MUS81: variants seen among roughly 807,000 people sequenced by gnomAD.
MUS81 encodes the protein structure-specific endonuclease subunit MUS81.
A neutral mutation model predicts 74.2 loss-of-function variants in MUS81; 69 were observed. The ratio of observed to expected loss-of-function variants is 0.93; its 90% CI spans 0.77 to 1.14. The LOEUF is 1.14. Among genes scored for constraint, MUS81 ranks in the 50% most tolerant of loss-of-function variants. MUS81 has a pLI of 0.00. For missense variants in MUS81, 711 were observed against 726.5 expected (o/e 0.98, Z 0.25); for synonymous variants, 303 against 300.6 (o/e 1.01, Z -0.08).
intron 15 of MUS81, 34 bp from the exon 16 acceptor site, chr11:65,865,952 C>G: frequency 1.2e-6 from 2 of 1,613,786 alleles, no homozygotes; most frequent in South Asian, 1.1e-5. Flanking sequence ...GCCCTAGGCC[C>G]AGGGCGTGAC....
Position 65,862,271 on chromosome 11 carries a change from TC to T in MUS81, c.516del (p.Arg173GlyfsTer2), listed in dbSNP as rs1159547127. On this transcript the variant is annotated frameshift_variant, in exon 5 of 16. Coordinates refer to ENST00000308110, the MANE Select transcript of MUS81 (RefSeq NM_025128.5). LOFTEE classifies it high-confidence loss of function. ...GCTGCTGCAGAGGTGTGCTCAGAAG[TC>T]CCCCAGGGTGAGCACAGGGATCAGG... is the stretch of plus-strand genomic sequence containing the variant. ...EELLQRCAQK[S>X]PRVAPGSARP... 2 of 1,613,624 alleles carry T rather than the reference TC, an allele frequency of 1.2e-6. No homozygotes were observed. The highest frequency in any genetic ancestry group is 1.1e-5 in the South Asian group (1 of 91,058).
chr11:65,864,885 C>T, intron 12 of MUS81, 70 bp downstream of exon 12: 1 of 1,578,048 alleles, frequency 6.3e-7, no homozygotes, highest in Admixed American at 1.7e-5. Flanking sequence ...GGGCCCTGTG[C>T]ATCCCCAAAA....
In MUS81 at chr11:65,861,045, G is replaced by T; in HGVS notation, c.208G>T (p.Gly70Ter). ...GGAAGCTAAGATCCTACAGCACTTC[G>T]GAGACGGGCTCTGCCGGATGCTGGA... ...GKEAKILQHFGDGLCRMLDER... is the reference protein window; with the variant it reads ...GKEAKILQHF Residue 70 changes from glycine (G) to a stop codon, truncating the protein, a stop_gained, in exon 2 of 16, where the codon GGA (glycine) becomes TGA (stop). Coordinates refer to ENST00000308110, the MANE Select transcript of MUS81 (RefSeq NM_025128.5). LOFTEE classifies it high-confidence loss of function. 1 of 1,612,690 alleles carries T rather than the reference G, an allele frequency of 6.2e-7. No individual in the cohort carries two copies. The highest frequency in any genetic ancestry group is 2.2e-5 in the East Asian group (1 of 44,880).
At chr11:65,861,884 C>A in intron 3 of MUS81, 63 bp from the exon 4 acceptor site, 1 of 1,352,650 alleles carries the variant, frequency 7.4e-7, no homozygotes, top group Non-Finnish European at 1.0e-6. Context: ...ACAAAGCCTG[C>A]TGGGGACTTA....
chr11:65,864,143 C>G, intron 10 of MUS81: 1 of 596,404 alleles, frequency 1.7e-6, no homozygotes, highest in South Asian at 2.0e-5. Context: ...CTTGGGTACC[C>G]AGCCCCTGCA....
Position 65,860,528 on chromosome 11 carries a change from G to C in MUS81, c.-226G>C, listed in dbSNP as rs2134719792. 3 of 607,964 alleles carry C rather than the reference G, an allele frequency of 4.9e-6. No homozygotes were observed. In the East Asian group the frequency reaches 8.4e-5, roughly 17 times the overall value. 37.7% of individuals were successfully genotyped at this position (607,964 alleles called of 1,614,324 possible). ...CCAAGGGAAAAGATCGTTAGAGACA[G>C]CGCCCCTGACCAACCACTTAGAGCA... is the stretch of plus-strand genomic sequence containing the variant. On this transcript the variant is annotated 5_prime_UTR_variant, in exon 1 of 16. Coordinates refer to ENST00000308110, the MANE Select transcript of MUS81 (RefSeq NM_025128.5).
intron 14 of MUS81, 73 bp downstream of exon 14, chr11:65,865,396 T>C: frequency 6.9e-7 from 1 of 1,441,886 alleles, no homozygotes; most frequent in Non-Finnish European, 9.4e-7. Context: ...AATCCATGCT[T>C]CGTGGAGGGG....
At position 65,862,427 on chromosome 11, in the gene MUS81, T is replaced by A; in HGVS notation, c.520-17T>A. On this transcript the variant is annotated splice_polypyrimidine_tract_variant and intron_variant, in intron 5 of 15. Transcript: ENST00000308110. ...TGGTACCAGGTGCTCTCTGAGGGTC[T>A]CTTTTCTGATCCACAGGTAGCCCCT... 6.2e-7 allele frequency: 1 copy of A among 1,610,490 alleles called. No homozygotes were observed.
chr11:65,860,631 T>C lies in MUS81; in HGVS notation c.-123T>C, dbSNP rs1304922243. On this transcript the variant is annotated 5_prime_UTR_variant, in exon 1 of 16. Transcript: ENST00000308110. ...GTTTGGGGCCCCGTGATCTCAACGG[T>C]CCTGCCCTCGGTCTCCCTCTTCCCC... 7.2e-7 allele frequency: 1 copy of C among 1,390,286 alleles called. No individual in the cohort carries two copies. The highest frequency in any genetic ancestry group is 2.0e-5 in the Admixed American group (1 of 49,578). 86.1% of individuals were successfully genotyped at this position (1,390,286 alleles called of 1,614,324 possible). A position where few individuals can be genotyped will look rare whatever the true frequency, so the allele number is the denominator to read the frequency against.
At position 65,865,248 on chromosome 11, in the gene MUS81, G is replaced by A. The variant is rs201571837; in HGVS notation, c.1430G>A (p.Arg477Gln). Residue 477 changes from arginine to glutamine, a missense_variant, in exon 14 of 16, where the codon CGG (arginine) becomes CAG (glutamine). Coordinates refer to ENST00000308110, the MANE Select transcript of MUS81 (RefSeq NM_025128.5). ...CAGTCGGTGCGAGAAGTGTTTGCCCGGCAGCTGATGCAGGTGCGCGGAGTG... is the reference window on the plus strand; with the variant it reads ...CAGTCGGTGCGAGAAGTGTTTGCCCAGCAGCTGATGCAGGTGCGCGGAGTG... The part of the protein sequence containing the change: ...KAQSVREVFA[R>Q]QLMQVRGVSG... 9.9e-6 allele frequency: 16 copies of A among 1,614,054 alleles called. No homozygotes were observed. Among genetic ancestry groups the A allele is most frequent in the African/African-American group, 1.3e-5 (1 of 74,930 alleles).
rs768397799 is a variant in MUS81 at position 65,865,040 on chromosome 11, C to T, written c.1296C>T (p.Pro432=). The change falls in exon 13 of 16, where the codon CCC becomes CCT. Residue 432 remains proline (P), a synonymous_variant. Transcript: ENST00000308110. Reference sequence around the variant, plus strand: ...AGGGCCACACCCTACGCAGCCGCCCCTGGGGAACCCCTGGGAACCCTGAAT... The same window carrying T: ...AGGGCCACACCCTACGCAGCCGCCCTTGGGGAACCCCTGGGAACCCTGAAT... ...LYQGHTLRSR[P]WGTPGNPESG... 3.7e-6 allele frequency: 6 copies of T among 1,613,936 alleles called. No individual in the cohort carries two copies. Among genetic ancestry groups the T allele is most frequent in the Middle Eastern group, 1.6e-4 (1 of 6,062 alleles).
chr11:65,863,741 C>G lies in MUS81; in HGVS notation c.961+20C>G, dbSNP rs1859706320. Reference sequence around the variant, plus strand: ...ACCCAGGTGAAGGGCCGTGGACAGGCTGGCACCAGGGGCAGGGCCTGGTGG... The same window carrying G: ...ACCCAGGTGAAGGGCCGTGGACAGGGTGGCACCAGGGGCAGGGCCTGGTGG... On this transcript the variant is annotated intron_variant, in intron 9 of 15. Coordinates refer to ENST00000308110, the MANE Select transcript of MUS81 (RefSeq NM_025128.5). The G allele has an allele frequency of 6.2e-6, 10 of 1,614,142 alleles. No homozygotes were observed. The highest frequency in any genetic ancestry group is 8.5e-6 in the Non-Finnish European group (10 of 1,180,002).
In MUS81 at chr11:65,865,124, C is replaced by T. The variant is rs746147684; in HGVS notation, c.1380C>T (p.Asn460=). 1.4e-5 allele frequency: 22 copies of T among 1,614,116 alleles called. No individual in the cohort carries two copies. Among genetic ancestry groups the T allele is most frequent in the East Asian group, 8.9e-5 (4 of 44,908 alleles). The change falls in exon 13 of 16, where the codon AAC becomes AAT. Residue 460 remains asparagine (N), a synonymous_variant. Coordinates refer to ENST00000308110, the MANE Select transcript of MUS81 (RefSeq NM_025128.5). ...LCSLLTFSDF[N]AGAIKNKAQS... ...CACTCCTCACCTTCAGTGACTTCAACGCAGGAGCCATCAAGAATAAGGTAC... is the reference window on the plus strand; with the variant it reads ...CACTCCTCACCTTCAGTGACTTCAATGCAGGAGCCATCAAGAATAAGGTAC...
chr11:65,865,931 G>C, intron 15 of MUS81, 37 bp downstream of exon 15: 6 of 1,613,976 alleles, frequency 3.7e-6, no homozygotes, highest in Non-Finnish European at 5.1e-6. Flanking sequence ...GGAGTGGCAG[G>C]GACTGGGGCT....
At position 65,865,249 on chromosome 11, in the gene MUS81, G is replaced by A. The variant is rs764623189; in HGVS notation, c.1431G>A (p.Arg477=). The change falls in exon 14 of 16, where the codon CGG becomes CGA. Residue 477 remains arginine, a synonymous_variant. Transcript: ENST00000308110. Reference sequence around the variant, plus strand: ...AGTCGGTGCGAGAAGTGTTTGCCCGGCAGCTGATGCAGGTGCGCGGAGTGA... The same window carrying A: ...AGTCGGTGCGAGAAGTGTTTGCCCGACAGCTGATGCAGGTGCGCGGAGTGA... The part of the protein sequence containing the change: ...KAQSVREVFA[R]QLMQVRGVSG... 6.2e-7 allele frequency: 1 copy of A among 1,614,162 alleles called. No homozygotes were observed.
At chr11:65,867,126 T>G, downstream of MUS81, 1 of 1,609,884 alleles carries the variant, frequency 6.2e-7, no homozygotes, top group Non-Finnish European at 8.5e-7. Context: ...TCAGCCTGTG[T>G]GCTAGGCCCC....
At chr11:65,859,931 C>T, upstream of MUS81, 1 of 201,278 alleles carries the variant, frequency 5.0e-6, no homozygotes, top group South Asian at 6.8e-5. Context: ...CAAACCCAAC[C>T]GCGTGCCCAT....
Position 65,864,309 on chromosome 11 carries a change from C to A in MUS81, c.1060-188C>A. On this transcript the variant is annotated intron_variant, in intron 10 of 15. Transcript: ENST00000308110. ...TGTTGAGAGATGGAGAAAAGGCTTT[C>A]TAGACAAGAGTGTCAGCATGAGCAA... The A allele has an allele frequency of 6.4e-6, 4 of 622,080 alleles. No individual in the cohort carries two copies. The South Asian group carries it at 7.3e-5, about 11-fold the overall frequency. 38.5% of individuals were successfully genotyped at this position (622,080 alleles called of 1,614,324 possible). A position where few individuals can be genotyped will look rare whatever the true frequency, so the allele number is the denominator to read the frequency against.
In MUS81 at chr11:65,863,797, TCAG is replaced by T; in HGVS notation, c.962-1_963del. The stretch of plus-strand genomic sequence containing the variant: ...GGATCGCAAGCTAACGGCTGGCTTG[TCAG>T]CAGCAAACCCTGGGGAGTTGGTACT... On this transcript the variant is annotated splice_polypyrimidine_tract_variant and splice_region_variant and intron_variant, in intron 9 of 15. Transcript: ENST00000308110. 6.2e-7 allele frequency: 1 copy of T among 1,613,994 alleles called. No homozygotes were observed. Among genetic ancestry groups the T allele is most frequent in the East Asian group, 2.2e-5 (1 of 44,896 alleles).
Sources: gnomAD v4.1 joint callset for allele counts on GRCh38, gnomAD v4.1.1 for gene constraint, MANE v1.5 for transcripts, NCBI Gene and HGNC (gene_info 2026-07-23, HGNC 2026-07-21) for gene names.